Variants in SMARCC2 observed in about 807,000 individuals in gnomAD.
SMARCC2 encodes the protein SWI/SNF related BAF chromatin remodeling complex subunit C2.
Under a neutral mutation model 151.3 loss-of-function variants are expected in SMARCC2, and 15 were observed. The observed-to-expected ratio is 0.10, with a 90% CI of 0.07 to 0.15. The LOEUF is 0.15. SMARCC2 is among the 10% of genes least tolerant of loss of function. SMARCC2 has a pLI of 1.00. For synonymous variants in SMARCC2, 590 were observed against 609.5 expected (o/e 0.97, Z 0.47); for missense variants, 1,031 against 1,599.7 (o/e 0.64, Z 6.06).
intron 3 of SMARCC2, chr12:56,185,910 G>A: frequency 1.9e-6 from 1 of 518,470 alleles, no homozygotes; most frequent in Non-Finnish European, 3.4e-6. Context: ...GACAAAAAAA[G>A]GTTTGAGATG....
chr12:56,167,993 C>T (rs938149595), intron 26 of SMARCC2, 67 bp downstream of exon 26: 8 of 1,527,012 alleles, frequency 5.2e-6, no homozygotes, highest in Non-Finnish European at 7.2e-6. Context: ...CACACACACA[C>T]ACACACGCCC....
rs148204813 is a variant in SMARCC2 at position 56,181,529 on chromosome 12, G to C, written c.909C>G (p.Pro303=). Residue 303 remains proline (P), a synonymous_variant, in exon 10 of 29, where the codon CCC becomes CCG. Coordinates refer to ENST00000550164, the MANE Select transcript of SMARCC2 (RefSeq NM_001330288.2). ...GGNYKKRKRS[P]SPSPTPEAKK... Reference sequence around the variant, plus strand: ...TTGCTTCTGGGGTTGGTGAAGGAGAGGGGGAGCGCTTCCTCTTCTTATAGT... The same window carrying C: ...TTGCTTCTGGGGTTGGTGAAGGAGACGGGGAGCGCTTCCTCTTCTTATAGT... 8.8e-5 allele frequency: 139 copies of C among 1,575,184 alleles called. 1 individual carries two copies. The African/African-American group carries it at 1.4e-3, about 16-fold the overall frequency.
At chr12:56,174,535 A>G (rs1874563637) in intron 16 of SMARCC2, 116 bp downstream of exon 16, 3 of 686,104 alleles carry the variant, frequency 4.4e-6, no homozygotes, top group Non-Finnish European at 7.9e-6. Context: ...CTTTCTCTAG[A>G]GGTGCTTTTT....
Position 56,183,096 on chromosome 12 carries a change from T to G in SMARCC2, c.632+765A>C, listed in dbSNP as rs576666087. On this transcript the variant is annotated intron_variant, in intron 7 of 28. Coordinates refer to ENST00000550164, the MANE Select transcript of SMARCC2 (RefSeq NM_001330288.2). ...CTCAAGCAATCTGCCCACCTCAGCC[T>G]CCCCAAGTGCTGGGATTATAGGCAT... is the stretch of plus-strand genomic sequence containing the variant. Among the ~76,000 whole-genome samples, 58 of 151,836 alleles carry G rather than the reference T, an allele frequency of 3.8e-4. No homozygotes were observed. In the South Asian group the frequency reaches 0.012, roughly 31 times the overall value.
At chr12:56,173,644 A>G (rs1874373748) in intron 17 of SMARCC2, 52 bp downstream of exon 17, 2 of 1,521,094 alleles carry the variant, frequency 1.3e-6, no homozygotes, top group Non-Finnish European at 1.8e-6. Flanking sequence ...AGAAAAGTTC[A>G]AAGAAGCCCA....
intron 7 of SMARCC2, among the ~76,000 whole-genome samples, chr12:56,182,371 T>C (rs1460327440): frequency 1.3e-5 from 2 of 151,706 alleles, no homozygotes; most frequent in African/African-American, 2.4e-5. Context: ...GTCACCCAGG[T>C]TGGAGTGCAG....
intron 15 of SMARCC2, among the ~76,000 whole-genome samples, chr12:56,175,481 A>G (rs553864589): frequency 6.6e-6 from 1 of 152,336 alleles, no homozygotes; most frequent in South Asian, 2.1e-4. Flanking sequence ...TTCTACCATG[A>G]GGACCTTGGC....
At chr12:56,177,348 A>C (rs1875230059) in intron 15 of SMARCC2, among the ~76,000 whole-genome samples, 1 of 152,160 alleles carries the variant, frequency 6.6e-6, no homozygotes, top group Non-Finnish European at 1.5e-5. Context: ...GGGCTCAAGC[A>C]ATCTTCCCAT....
At chr12:56,186,341 T>C (rs1435954992) in intron 2 of SMARCC2, 101 bp from the exon 3 acceptor site, 1 of 734,556 alleles carries the variant, frequency 1.4e-6, no homozygotes. Flanking sequence ...CATGCTGAAT[T>C]GATCTCCCTT....
rs936148846 is a variant in SMARCC2, at chr12:56,163,096, C to G, written c.*593G>C. 1.3e-5 allele frequency: 2 copies of G among 151,630 alleles called. No homozygotes were observed. Among genetic ancestry groups the G allele is most frequent in the Non-Finnish European group, 2.9e-5 (2 of 67,990 alleles). 9.4% of individuals were successfully genotyped at this position (151,630 alleles called of 1,614,324 possible). ...GAAGCCGCAGGAGGGATTATTAGTA[C>G]GAATGAACTCGAATAAGCTCAGCGT... On this transcript the variant is annotated 3_prime_UTR_variant, in exon 29 of 29. Transcript: ENST00000550164.
chr12:56,168,577 T>C (rs1355791255), intron 25 of SMARCC2, among the ~76,000 whole-genome samples: 1 of 152,064 alleles, frequency 6.6e-6, no homozygotes, highest in South Asian at 2.1e-4. Context: ...TTTCACCATG[T>C]TGGCCAGGCT....
chr12:56,173,759 A>T lies in SMARCC2; in HGVS notation c.1587T>A (p.Ser529=). The part of the protein sequence containing the change: ...RPTPMGPPPT[S]HFHVLADTPS... ...GTGTGTCAGCCAAGACATGGAAGTG[A>T]GAGGTAGGCGGAGGCCCCATTGGGG... The change falls in exon 17 of 29, where the codon TCT becomes TCA. Residue 529 remains serine, a synonymous_variant. Coordinates refer to ENST00000550164, the MANE Select transcript of SMARCC2 (RefSeq NM_001330288.2). The T allele has an allele frequency of 6.2e-7, 1 of 1,614,018 alleles. No homozygotes were observed.
intron 22 of SMARCC2, among the ~76,000 whole-genome samples, chr12:56,170,737 T>TTA (rs1565900806): frequency 1.4e-5 from 2 of 143,176 alleles, no homozygotes; most frequent in African/African-American, 5.2e-5. Context: ...TTTTTTTTTT[T>TTA]TTTTTTTTTT....
In SMARCC2 at chr12:56,171,638, G is replaced by C; in HGVS notation, c.2185+41C>G. 6.6e-7 allele frequency: 1 copy of C among 1,523,120 alleles called. No individual in the cohort carries two copies. Among genetic ancestry groups the C allele is most frequent in the Non-Finnish European group, 8.8e-7 (1 of 1,137,634 alleles). 94.4% of individuals were successfully genotyped at this position (1,523,120 alleles called of 1,614,324 possible). A position where few individuals can be genotyped will look rare whatever the true frequency, so the allele number is the denominator to read the frequency against. On this transcript the variant is annotated intron_variant, in intron 21 of 28. Transcript: ENST00000550164. The surrounding 1 kb of genome is among the most constrained non-coding windows in gnomAD (Gnocchi z 4.2). ...AGTCTGAGTAACTAGCCCTTCAAAAGCAAACTAAGAAGGCCAGGTGGAACC... is the reference window on the plus strand; with the variant it reads ...AGTCTGAGTAACTAGCCCTTCAAAACCAAACTAAGAAGGCCAGGTGGAACC...
rs200451540 is a variant in SMARCC2 at position 56,170,213 on chromosome 12, G to A, written c.2348-5C>T. ...CCTCGTCATTCCCGCTCTCCTCTGGGCCCATGAGAAAAGAAAGAAAACAGG... is the reference window on the plus strand; with the variant it reads ...CCTCGTCATTCCCGCTCTCCTCTGGACCCATGAGAAAAGAAAGAAAACAGG... On this transcript the variant is annotated splice_region_variant and splice_polypyrimidine_tract_variant and intron_variant, in intron 22 of 28. Coordinates refer to ENST00000550164, the MANE Select transcript of SMARCC2 (RefSeq NM_001330288.2). The A allele has an allele frequency of 5.0e-6, 8 of 1,612,538 alleles. No individual in the cohort carries two copies. The highest frequency in any genetic ancestry group is 5.1e-6 in the Non-Finnish European group (6 of 1,178,848).
intron 1 of SMARCC2, 30 bp downstream of exon 1, chr12:56,189,321 T>G: frequency 7.3e-7 from 1 of 1,377,786 alleles, no homozygotes; most frequent in Non-Finnish European, 9.9e-7. Context: ...CCGCCCCCGG[T>G]CCCCGCGCGG....
chr12:56,178,785 T>G, intron 13 of SMARCC2, 25 bp downstream of exon 13: 1 of 1,595,684 alleles, frequency 6.3e-7, no homozygotes, highest in South Asian at 1.1e-5. Context: ...CATAGAGAGG[T>G]AGGGCCTCTC....
At chr12:56,167,589 G>C (rs1235515563) in intron 26 of SMARCC2, among the ~76,000 whole-genome samples, 2 of 152,058 alleles carry the variant, frequency 1.3e-5, no homozygotes, top group Non-Finnish European at 2.9e-5. Context: ...TTCACCTCCT[G>C]GATCTGAGGC....
At chr12:56,179,907 G>C (rs557001613) in intron 11 of SMARCC2, among the ~76,000 whole-genome samples, 36 of 151,988 alleles carry the variant, frequency 2.4e-4, no homozygotes, top group Middle Eastern at 3.2e-3. Context: ...GGATGGTCTT[G>C]ATCTCTTGAC....
Sources: allele counts gnomAD v4.1 joint callset (sites outside exome capture counted in the v4.1 genomes callset), GRCh38; gene constraint gnomAD v4.1.1; non-coding constraint Gnocchi (gnomAD v3.1); transcripts MANE v1.5; gene names NCBI Gene and HGNC (gene_info 2026-07-23, HGNC 2026-07-21).